Variants in PSD3 observed in about 807,000 individuals in gnomAD.
PSD3 encodes the protein pleckstrin and Sec7 domain containing 3, also known as PH and SEC7 domain-containing protein 3.
A neutral mutation model predicts 105.5 loss-of-function variants in PSD3; 49 were observed. The observed-to-expected ratio is 0.46, with a 90% confidence interval of 0.37 to 0.59. The LOEUF is 0.59. Ranked by LOEUF, PSD3 falls within the 20% of genes least tolerant of loss-of-function variation. The pLI, the probability that PSD3 is intolerant of heterozygous loss-of-function variation, is 0.00. For synonymous variants in PSD3, 557 were observed against 457.8 expected, an observed-to-expected ratio of 1.22 and a Z score of -2.77; for missense variants, 1,561 against 1,263.8, an observed-to-expected ratio of 1.24 and a Z score of -3.57.
At chr8:18,646,751 G>C (rs904022213) in intron 10 of PSD3, among the ~76,000 whole-genome samples, 5 of 152,042 alleles carry the variant, frequency 3.3e-5, no homozygotes, top group Non-Finnish European at 7.4e-5. Context: ...AAACAACTGA[G>C]ATTACATTTT....
In PSD3 at chr8:18,772,380, C is replaced by G. The variant is rs115302560; in HGVS notation, c.2083-6842G>C. Among the ~76,000 whole-genome samples, 720 of 149,078 alleles carry G rather than the reference C, an allele frequency of 4.8e-3. 8 individuals are homozygous for G. Among genetic ancestry groups the G allele is most frequent in the African/African-American group, 0.018 (696 of 39,716 alleles). On this transcript the variant is annotated intron_variant, in intron 8 of 15. Transcript: ENST00000327040. ...CGTTTCCAATTTGTCTACATCCTTG[C>G]CAAAAATAGTTTCTATTTTTTTTGA...
In PSD3 at chr8:18,798,371, G is replaced by C. The variant is rs147471340; in HGVS notation, c.2082+924C>G. ...TTAGGATTCTATCACTATATCTCCT[G>C]TTTGCTTTCTGGTGGTGGAACCCTT... On this transcript the variant is annotated intron_variant, in intron 8 of 15. Transcript: ENST00000327040. Among the ~76,000 whole-genome samples the C allele has an allele frequency of 3.0e-4, 45 of 152,156 alleles. No homozygotes were observed. The East Asian group carries it at 4.6e-3, about 16-fold the overall frequency.
intron 14 of PSD3, among the ~76,000 whole-genome samples, chr8:18,558,902 T>G (rs149516046): frequency 7.2e-4 from 109 of 152,314 alleles, no homozygotes; most frequent in African/African-American, 2.6e-3. Flanking sequence ...GGCTTTCTTT[T>G]GTAATTTTTT....
intron 15 of PSD3, among the ~76,000 whole-genome samples, chr8:18,551,937 A>T (rs902201349): frequency 3.3e-5 from 5 of 152,232 alleles, no homozygotes; most frequent in Non-Finnish European, 7.3e-5. Context: ...GCCTTCAGGG[A>T]CCAGAGCAAT....
intron 1 of PSD3, among the ~76,000 whole-genome samples, chr8:18,949,244 AATATATATATATATAT>A (rs1215845074): frequency 1.1e-3 from 16 of 14,406 alleles, no homozygotes; most frequent in East Asian, 1.8e-3. Flanking sequence ...AAAAAAAAAA[AATATATATATATATAT>A]ATATATATAT....
intron 11 of PSD3, among the ~76,000 whole-genome samples, chr8:18,620,055 A>T (rs1162638123): frequency 1.3e-5 from 2 of 152,136 alleles, no homozygotes; most frequent in Non-Finnish European, 2.9e-5. Flanking sequence ...CTTCTACGTG[A>T]TAAGGGCCGT....
intron 11 of PSD3, among the ~76,000 whole-genome samples, chr8:18,600,963 T>C (rs1804399358): frequency 1.3e-5 from 2 of 152,234 alleles, no homozygotes; most frequent in African/African-American, 2.4e-5. Context: ...ATTACTCCTA[T>C]TGCAACCTGT....
intron 4 of PSD3, among the ~76,000 whole-genome samples, chr8:18,826,763 C>G (rs1417150771): frequency 6.6e-6 from 1 of 152,190 alleles, no homozygotes; most frequent in African/African-American, 2.4e-5. Context: ...CACCCAGGAT[C>G]AACTTTCATT....
intron 2 of PSD3, among the ~76,000 whole-genome samples, chr8:18,921,178 C>T (rs139943166): frequency 6.6e-6 from 1 of 151,352 alleles, no homozygotes; most frequent in African/African-American, 2.4e-5. Flanking sequence ...ATTATCTTCT[C>T]ACTATTAGTA....
chr8:18,970,324 CAAAAAAAAAA>C (rs11450922), intron 1 of PSD3, among the ~76,000 whole-genome samples: 4 of 45,310 alleles, frequency 8.8e-5, no homozygotes, highest in Admixed American at 4.3e-4. Context: ...GACTCTGCCT[CAAAAAAAAAA>C]AAAAAAAAAA....
intron 1 of PSD3, among the ~76,000 whole-genome samples, chr8:19,004,346 T>C (rs976311405): frequency 1.3e-5 from 2 of 151,988 alleles, no homozygotes; most frequent in African/African-American, 4.8e-5. Flanking sequence ...TAAAAAACAA[T>C]ATTTGTTACA....
At chr8:18,774,767 G>A (rs1023099043) in intron 8 of PSD3, 2 of 394,606 alleles carry the variant, frequency 5.1e-6, no homozygotes, top group African/African-American at 2.1e-5. Flanking sequence ...CAACAGATTT[G>A]GAAATGACTA....
intron 2 of PSD3, among the ~76,000 whole-genome samples, chr8:18,900,340 C>A (rs916068369): frequency 6.6e-6 from 1 of 152,142 alleles, no homozygotes; most frequent in Non-Finnish European, 1.5e-5. Flanking sequence ...TAAAAAAGTT[C>A]AAGGTTTTGT....
At chr8:19,050,728 C>T (rs914382119) in intron 1 of PSD3, among the ~76,000 whole-genome samples, 1 of 152,054 alleles carries the variant, frequency 6.6e-6, no homozygotes, top group Non-Finnish European at 1.5e-5. Context: ...GGAGATATAC[C>T]TAATGCTAAT....
intron 1 of PSD3, among the ~76,000 whole-genome samples, chr8:18,951,225 T>C (rs1295844680): frequency 6.6e-6 from 1 of 151,888 alleles, no homozygotes; most frequent in African/African-American, 2.4e-5. Flanking sequence ...TGAGACACCA[T>C]CTCCACAAAA....
chr8:18,596,729 A>T (rs533313449), intron 12 of PSD3, among the ~76,000 whole-genome samples: 1 of 150,542 alleles, frequency 6.6e-6, no homozygotes, highest in Admixed American at 6.6e-5. Context: ...AACCTAGAAG[A>T]AAGGGATAAA....
chr8:18,700,124 G>T (rs996081640), intron 9 of PSD3, among the ~76,000 whole-genome samples: 2 of 152,112 alleles, frequency 1.3e-5, no homozygotes, highest in Non-Finnish European at 2.9e-5. Context: ...TAGAGAAACA[G>T]AACCTGAAAT....
chr8:18,662,679 A>G (rs763003640), intron 9 of PSD3, among the ~76,000 whole-genome samples: 9 of 152,162 alleles, frequency 5.9e-5, no homozygotes. Flanking sequence ...TTCCAGATCT[A>G]CTATTTTACA....
At chr8:18,890,167 T>C (rs751027902) in intron 2 of PSD3, among the ~76,000 whole-genome samples, 8 of 152,190 alleles carry the variant, frequency 5.3e-5, no homozygotes, top group Non-Finnish European at 1.2e-4. Context: ...ATAAGATTAC[T>C]GGAGGAACTG....
Sources: allele counts gnomAD v4.1 joint callset (sites outside exome capture counted in the v4.1 genomes callset), GRCh38; gene constraint gnomAD v4.1.1; transcripts MANE v1.5; gene names NCBI Gene and HGNC (gene_info 2026-07-23, HGNC 2026-07-21).